The following CABCOCO1 variants were observed in gnomAD, a reference collection of about 807,000 sequenced individuals.
CABCOCO1 encodes the protein ciliary-associated calcium-binding coiled-coil protein 1.
In CABCOCO1, 28 loss-of-function variants were observed where a neutral mutation model predicts 35.7. That is an observed-to-expected ratio of 0.78 (90% confidence interval 0.58 to 1.07). CABCOCO1 has a LOEUF of 1.07. Ranked by LOEUF, CABCOCO1 falls within the 50% of genes least tolerant of loss-of-function variation. CABCOCO1 has a pLI of 0.00. For missense variants in CABCOCO1, 326 were observed against 309.2 expected, an observed-to-expected ratio of 1.05 and a Z score of -0.41; for synonymous variants, 95 against 100.1, an observed-to-expected ratio of 0.95 and a Z score of 0.30.
At chr10:61,725,339 G>A (rs1160699636) in intron 5 of CABCOCO1, among the ~76,000 whole-genome samples, 1 of 152,128 alleles carries the variant, frequency 6.6e-6, no homozygotes, top group African/African-American at 2.4e-5. Flanking sequence ...ATTCACAGTA[G>A]CAAAAACTTG....
chr10:61,721,561 A>G (rs1258156962), intron 5 of CABCOCO1, among the ~76,000 whole-genome samples: 1 of 152,334 alleles, frequency 6.6e-6, no homozygotes, highest in East Asian at 1.9e-4. Context: ...GAGTCTAGTA[A>G]GGGATGGAAT....
intron 5 of CABCOCO1, among the ~76,000 whole-genome samples, chr10:61,718,571 A>G (rs1840923699): frequency 6.6e-6 from 1 of 152,096 alleles, no homozygotes; most frequent in South Asian, 2.1e-4. Flanking sequence ...ATGCAGGTGT[A>G]TTTGTGTTTT....
In CABCOCO1 at chr10:61,682,408, A is replaced by G. The variant is rs1032195320; in HGVS notation, c.334+1096A>G. Among the ~76,000 whole-genome samples, 3 of 152,304 alleles carry G rather than the reference A, an allele frequency of 2.0e-5. No individual in the cohort carries two copies. The South Asian group carries it at 6.2e-4, about 32-fold the overall frequency. On this transcript the variant is annotated intron_variant, in intron 3 of 7. Coordinates refer to ENST00000648843, the MANE Select transcript of CABCOCO1 (RefSeq NM_001366906.2). ...ACTGAACAAACTTATAGTCATCATT[A>G]GGAAAGAATGTAATTTTAACCAAAT...
chr10:61,687,838 G>A (rs566951641), intron 4 of CABCOCO1, among the ~76,000 whole-genome samples: 16 of 152,126 alleles, frequency 1.1e-4, no homozygotes, highest in African/African-American at 3.4e-4. Context: ...CTGTTAAGTC[G>A]TCATATTGTT....
Position 61,719,142 on chromosome 10 carries a change from G to A in CABCOCO1, c.552+28521G>A, listed in dbSNP as rs188436952. ...AGAGTTTCAGGAAGGTATTAATAAGGCCCCGCTTCCTGTATCTTAAACCAA... is the reference window on the plus strand; with the variant it reads ...AGAGTTTCAGGAAGGTATTAATAAGACCCCGCTTCCTGTATCTTAAACCAA... On this transcript the variant is annotated intron_variant, in intron 5 of 7. Coordinates refer to ENST00000648843, the MANE Select transcript of CABCOCO1 (RefSeq NM_001366906.2). Among the ~76,000 whole-genome samples, 217 of 152,176 alleles carry A rather than the reference G, an allele frequency of 1.4e-3. 1 individual carries two copies. Among genetic ancestry groups the A allele is most frequent in the African/African-American group, 5.0e-3 (206 of 41,510 alleles).
At chr10:61,674,899 T>G (rs1262275335) in intron 2 of CABCOCO1, among the ~76,000 whole-genome samples, 1 of 152,126 alleles carries the variant, frequency 6.6e-6, no homozygotes, top group Non-Finnish European at 1.5e-5. Flanking sequence ...TAAAAAAGAA[T>G]AAGGACTAAA....
rs188656263 is a variant in CABCOCO1 at position 61,751,535 on chromosome 10, C to G, written c.553-8524C>G. On this transcript the variant is annotated intron_variant, in intron 5 of 7. Coordinates refer to ENST00000648843, the MANE Select transcript of CABCOCO1 (RefSeq NM_001366906.2). Reference sequence around the variant, plus strand: ...AACGATAAAGGAATTGGAGGAGGAGCAGGTTTGGGGAAGGTAATTAAGGAA... The same window carrying G: ...AACGATAAAGGAATTGGAGGAGGAGGAGGTTTGGGGAAGGTAATTAAGGAA... 2.0e-3 allele frequency among the ~76,000 whole-genome samples: 311 copies of G among 152,198 alleles called. 1 individual carries two copies. Among genetic ancestry groups the G allele is most frequent in the Non-Finnish European group, 3.8e-3 (256 of 68,018 alleles).
intron 5 of CABCOCO1, among the ~76,000 whole-genome samples, chr10:61,702,456 T>G (rs1048248568): frequency 6.6e-6 from 1 of 152,130 alleles, no homozygotes; most frequent in African/African-American, 2.4e-5. Flanking sequence ...TTGCTTACAG[T>G]TGGAGTGGAT....
At chr10:61,683,980 C>T (rs1386281358) in intron 3 of CABCOCO1, among the ~76,000 whole-genome samples, 1 of 152,090 alleles carries the variant, frequency 6.6e-6, no homozygotes, top group Non-Finnish European at 1.5e-5. Context: ...TTTCTCTTTT[C>T]TCTGCATCTC....
intron 1 of CABCOCO1, among the ~76,000 whole-genome samples, chr10:61,663,711 A>G (rs1388370801): frequency 1.3e-5 from 2 of 152,130 alleles, no homozygotes; most frequent in South Asian, 4.1e-4. Context: ...CAAAAGGTTG[A>G]TCTTTAGGCC....
At chr10:61,704,748 C>T (rs1453884919) in intron 5 of CABCOCO1, among the ~76,000 whole-genome samples, 1 of 152,002 alleles carries the variant, frequency 6.6e-6, no homozygotes, top group African/African-American at 2.4e-5. Context: ...TTCATAACAG[C>T]AGCCGAAATC....
At chr10:61,695,121 T>C (rs973838836) in intron 5 of CABCOCO1, among the ~76,000 whole-genome samples, 1 of 151,636 alleles carries the variant, frequency 6.6e-6, no homozygotes, top group African/African-American at 2.4e-5. Flanking sequence ...AAAATAATTA[T>C]CCTTAAGAAA....
intron 4 of CABCOCO1, among the ~76,000 whole-genome samples, chr10:61,690,135 A>G (rs543469549): frequency 6.6e-6 from 1 of 152,302 alleles, no homozygotes; most frequent in African/African-American, 2.4e-5. Flanking sequence ...GGTAGATTAT[A>G]TAATTCAGTG....
chr10:61,681,287 A>T lies in CABCOCO1; in HGVS notation c.309A>T (p.Leu103=). 6.4e-7 allele frequency: 1 copy of T among 1,562,208 alleles called. No homozygotes were observed. The highest frequency in any genetic ancestry group is 2.3e-5 in the East Asian group (1 of 43,458). The change falls in exon 3 of 8, where the codon CTA becomes CTT. Residue 103 remains leucine (L), a synonymous_variant. Coordinates refer to ENST00000648843, the MANE Select transcript of CABCOCO1 (RefSeq NM_001366906.2). ...AGTATTCAAAATTTATGACTTTACT[A>T]GCTATGTCACTTCAAAATCTTAAAA... ...IIQYSKFMTL[L]AMSLQNLKTL... is the part of the protein sequence containing the mutation.
At chr10:61,765,896 GAT>G (rs758948421) in intron 7 of CABCOCO1, 41 bp from the exon 8 acceptor site, 1 of 1,549,624 alleles carries the variant, frequency 6.5e-7, no homozygotes, top group Non-Finnish European at 8.9e-7. Flanking sequence ...TGCAGCAAAA[GAT>G]AGCTCCATCA....
intron 5 of CABCOCO1, among the ~76,000 whole-genome samples, chr10:61,703,747 G>T (rs998329614): frequency 5.3e-5 from 8 of 151,714 alleles, no homozygotes; most frequent in African/African-American, 1.9e-4. Context: ...ACATATGCAC[G>T]CACATAAACT....
At chr10:61,685,776 G>A (rs1839939619) in intron 3 of CABCOCO1, among the ~76,000 whole-genome samples, 2 of 152,290 alleles carry the variant, frequency 1.3e-5, no homozygotes, top group East Asian at 3.9e-4. Context: ...TGCCTTGGCT[G>A]GTACTCTAAC....
At chr10:61,666,665 T>G (rs1215563343) in intron 1 of CABCOCO1, among the ~76,000 whole-genome samples, 5 of 152,080 alleles carry the variant, frequency 3.3e-5, no homozygotes, top group African/African-American at 9.7e-5. Flanking sequence ...AGTTTTATTT[T>G]ACTATAGTTT....
intron 5 of CABCOCO1, among the ~76,000 whole-genome samples, chr10:61,715,883 G>T (rs141085490): frequency 0.052 from 7,931 of 152,160 alleles, 740 homozygotes; most frequent in African/African-American, 0.18. Context: ...GAGATCCACT[G>T]TTAGTCTGAT....
Sources: allele counts gnomAD v4.1 joint callset (sites outside exome capture counted in the v4.1 genomes callset), GRCh38; gene constraint gnomAD v4.1.1; transcripts MANE v1.5; gene names NCBI Gene and HGNC (gene_info 2026-07-23, HGNC 2026-07-21).